ZC3H12B: variants seen among roughly 807,000 people sequenced by gnomAD.
ZC3H12B encodes the protein probable ribonuclease ZC3H12B.
ZC3H12B carries 7 observed loss-of-function variants against 43.9 expected under a neutral mutation model. The ratio of observed to expected loss-of-function variants is 0.16; its 90% CI spans 0.09 to 0.30. The LOEUF (loss-of-function observed/expected upper bound fraction) is 0.30. ZC3H12B is among the 10% of genes least tolerant of loss of function. The pLI, the probability that ZC3H12B is intolerant of heterozygous loss-of-function variation, is 1.00. For missense variants in ZC3H12B, 475 were observed against 670.2 expected (o/e 0.71, Z 3.22); for synonymous variants, 222 against 241.7 (o/e 0.92, Z 0.76).
the ZC3H12B span, among the ~76,000 whole-genome samples, chrX:65,042,351 G>GA: frequency 8.9e-6 from 1 of 112,770 alleles, no homozygotes; most frequent in African/African-American, 3.2e-5. Context: ...TCTCACAGCT[G>GA]AACACTGAAT....
At chrX:65,047,205 AC>A in the ZC3H12B span, among the ~76,000 whole-genome samples, 1 of 111,614 alleles carries the variant, frequency 9.0e-6, no homozygotes, top group African/African-American at 3.2e-5. Flanking sequence ...GAAACAAAAA[AC>A]AAAAAACACA....
chrX:65,164,200 T>C, the ZC3H12B span, among the ~76,000 whole-genome samples: 12 of 111,350 alleles, frequency 1.1e-4, no homozygotes, highest in African/African-American at 3.9e-4. Context: ...GGCCAGGGAC[T>C]AGGGAATAGA....
the ZC3H12B span, among the ~76,000 whole-genome samples, chrX:65,213,908 T>TAC: frequency 8.8e-5 from 9 of 102,146 alleles, no homozygotes; most frequent in Non-Finnish European, 1.5e-4. Context: ...TACATATATA[T>TAC]ACACACACAC....
the ZC3H12B span, among the ~76,000 whole-genome samples, chrX:65,112,113 G>C: frequency 1.8e-5 from 2 of 112,237 alleles, no homozygotes; most frequent in Non-Finnish European, 3.8e-5. Context: ...AAGTAAAACT[G>C]TCTTATTGGT....
chrX:65,042,539 T>A, the ZC3H12B span, among the ~76,000 whole-genome samples: 1 of 112,731 alleles, frequency 8.9e-6, no homozygotes, highest in East Asian at 2.8e-4. Flanking sequence ...GGCTATGGAA[T>A]ACAATAACTT....
At chrX:65,157,395 A>G in the ZC3H12B span, among the ~76,000 whole-genome samples, 1 of 112,481 alleles carries the variant, frequency 8.9e-6, no homozygotes, top group Non-Finnish European at 1.9e-5. Context: ...CTGTGTTATT[A>G]CATACATATA....
chrX:65,249,199 T>A, the ZC3H12B span, among the ~76,000 whole-genome samples: 1 of 112,166 alleles, frequency 8.9e-6, no homozygotes, highest in East Asian at 2.8e-4. Flanking sequence ...TCTTCTAGAA[T>A]TTTTATAGTT....
rs767684850 is a variant in ZC3H12B, at chrX:65,461,060, A to G, written n.408-27586A>G. ...AGTGGGCAAAGGATATGAACAGACAATTTTCAAAAGAAGACATTTATGCAG... is the reference window on the plus strand; with the variant it reads ...AGTGGGCAAAGGATATGAACAGACAGTTTTCAAAAGAAGACATTTATGCAG... On this transcript the variant is annotated intron_variant and non_coding_transcript_variant, in intron 3 of 5. Coordinates refer to the ZC3H12B transcript ENST00000617377. 2.3e-3 allele frequency among the ~76,000 whole-genome samples: 256 copies of G among 112,113 alleles called. 2 individuals carry two copies. The highest frequency in any genetic ancestry group is 7.7e-3 in the African/African-American group (237 of 30,821).
At chrX:65,321,240 A>G in the ZC3H12B span, among the ~76,000 whole-genome samples, 1 of 111,798 alleles carries the variant, frequency 8.9e-6, no homozygotes, top group East Asian at 2.8e-4. Flanking sequence ...CACAACAGTC[A>G]CTTAAAAAAA....
At chrX:65,194,749 C>G in the ZC3H12B span, among the ~76,000 whole-genome samples, 1 of 111,902 alleles carries the variant, frequency 8.9e-6, no homozygotes, top group Non-Finnish European at 1.9e-5. Flanking sequence ...AATGATCTGT[C>G]CAGTGCTGAA....
At chrX:65,245,779 G>A in the ZC3H12B span, among the ~76,000 whole-genome samples, 2 of 110,973 alleles carry the variant, frequency 1.8e-5, no homozygotes, top group Non-Finnish European at 3.8e-5. Flanking sequence ...CCTTGAAAAC[G>A]GGCACAAGAC....
chrX:65,361,630 A>G, the ZC3H12B span, among the ~76,000 whole-genome samples: 1 of 111,260 alleles, frequency 9.0e-6, no homozygotes, highest in Middle Eastern at 4.6e-3. Flanking sequence ...ATAAAAACCC[A>G]GCCCAGCTCA....
chrX:65,290,262 A>G, the ZC3H12B span, among the ~76,000 whole-genome samples: 1 of 111,046 alleles, frequency 9.0e-6, no homozygotes, highest in Non-Finnish European at 1.9e-5. Context: ...AGAAAAATGA[A>G]TATCAAACCT....
chrX:65,450,864 T>C (rs1469230422), intron 3 of ZC3H12B, among the ~76,000 whole-genome samples: 1 of 90,767 alleles, frequency 1.1e-5, no homozygotes, highest in East Asian at 3.5e-4. Context: ...TATGTGTATA[T>C]ATGTATATAT....
chrX:65,337,808 G>A, the ZC3H12B span, among the ~76,000 whole-genome samples: 1 of 111,978 alleles, frequency 8.9e-6, no homozygotes, highest in South Asian at 3.7e-4. Context: ...GTTCCTTCTG[G>A]ATACATAGTA....
intron 3 of ZC3H12B, among the ~76,000 whole-genome samples, chrX:65,423,605 C>A (rs941256442): frequency 8.9e-6 from 1 of 112,183 alleles, no homozygotes; most frequent in Non-Finnish European, 1.9e-5. Context: ...TCTCTAATGA[C>A]CAGTGATAAT....
At chrX:65,455,475 T>C (rs183539788) in intron 3 of ZC3H12B, among the ~76,000 whole-genome samples, 3 of 112,191 alleles carry the variant, frequency 2.7e-5, no homozygotes, top group African/African-American at 9.7e-5. Flanking sequence ...TATGAGACTA[T>C]GTGAAAAGAC....
At chrX:65,506,637 G>C in exon 5 of ZC3H12B, 1 of 111,958 alleles carries the variant, frequency 8.9e-6, no homozygotes, top group Middle Eastern at 4.6e-3. Flanking sequence ...CTGATTTTCT[G>C]ACCTCATAGG....
the ZC3H12B span, among the ~76,000 whole-genome samples, chrX:65,142,551 T>G: frequency 1.8e-5 from 2 of 112,619 alleles, no homozygotes; most frequent in African/African-American, 6.4e-5. Context: ...TGCTTTTGGT[T>G]TCTTGGTCAT....
Sources: allele counts gnomAD v4.1 joint callset (sites outside exome capture counted in the v4.1 genomes callset), GRCh38; gene constraint gnomAD v4.1.1; transcripts MANE v1.5; gene names NCBI Gene and HGNC (gene_info 2026-07-23, HGNC 2026-07-21).